The following CLIP1 variants were observed in gnomAD, a reference collection of about 807,000 sequenced individuals.
CLIP1 encodes the protein CAP-Gly domain containing linker protein 1.
In CLIP1, 66 loss-of-function variants were observed where a neutral mutation model predicts 161.6. The observed-to-expected ratio is 0.41, with a 90% CI of 0.33 to 0.50. The LOEUF is 0.50. Among genes scored for constraint, CLIP1 ranks in the 20% least tolerant of loss-of-function variants. The probability of loss-of-function intolerance (pLI) is 0.27; values close to 1 mark genes in which losing one functional copy is unlikely to be tolerated. For synonymous variants in CLIP1, 598 were observed against 626.2 expected (o/e 0.96, Z 0.67); for missense variants, 1,376 against 1,702.0 (o/e 0.81, Z 3.37).
intron 1 of CLIP1, among the ~76,000 whole-genome samples, 200 bp downstream of exon 1, chr12:122,422,321 A>AC (rs1365357467): frequency 6.6e-6 from 1 of 150,724 alleles, no homozygotes; most frequent in Non-Finnish European, 1.5e-5. Context: ...CCCCCCAGGG[A>AC]CCCCCGGCCT....
intron 9 of CLIP1, among the ~76,000 whole-genome samples, chr12:122,350,772 T>C (rs557276953): frequency 6.6e-6 from 1 of 151,290 alleles, no homozygotes; most frequent in East Asian, 1.9e-4. Flanking sequence ...ATCATCTCTT[T>C]TGGAATAATT....
At chr12:122,312,339 A>G (rs1454055154) in intron 19 of CLIP1, among the ~76,000 whole-genome samples, 1 of 152,234 alleles carries the variant, frequency 6.6e-6, no homozygotes, top group Admixed American at 6.5e-5. Context: ...TGAAAATAGG[A>G]GCTGGCTAAC....
Position 122,311,243 on chromosome 12 carries a change from C to T in CLIP1, c.3474-1361G>A, listed in dbSNP as rs1047558400. On this transcript the variant is annotated intron_variant, in intron 19 of 25. Transcript: ENST00000620786. This position sits in a 1 kb window ranked among gnomAD's most constrained non-coding sequence, Gnocchi z 4.3. ...AAACATATTTCCCAGGTGGTCACTG[C>T]CTTCATGAGTGGCTACATGGTGTCT... Among the ~76,000 whole-genome samples the T allele has an allele frequency of 6.6e-5, 10 of 151,944 alleles. No individual in the cohort carries two copies. The highest frequency in any genetic ancestry group is 1.2e-4 in the Non-Finnish European group (8 of 68,012).
rs750226183 is a variant in CLIP1, at chr12:122,377,870, C to T, written c.176G>A (p.Arg59Gln). The T allele has an allele frequency of 1.9e-6, 3 of 1,613,944 alleles. No individual in the cohort carries two copies. The highest frequency in any genetic ancestry group is 2.5e-6 in the Non-Finnish European group (3 of 1,180,000). The change falls in exon 3 of 26, where the codon CGA becomes CAA. Residue 59 changes from arginine (R) to glutamine (Q), a missense_variant. By Grantham distance (43) the Arg-to-Gln change is conservative. Around this residue, in one of 6 missense-constraint regions of CLIP1, gnomAD observed 66 missense variants for 67.8 expected, o/e 0.97. Transcript: ENST00000620786. ...ETQEEFVDDF[R>Q]VGERVWVNGN... ...ATTCACCCAAACTCGCTCCCCAACT[C>T]GAAAGTCATCCACAAATTCCTCCTG...
intron 1 of CLIP1, among the ~76,000 whole-genome samples, chr12:122,388,599 T>C (rs1955437423): frequency 6.6e-6 from 1 of 152,142 alleles, no homozygotes; most frequent in South Asian, 2.1e-4. Context: ...GACAAGGTCT[T>C]GTTTTATCAC....
intron 11 of CLIP1, among the ~76,000 whole-genome samples, chr12:122,339,338 G>GT (rs60632740): frequency 2.4e-4 from 36 of 151,468 alleles, no homozygotes; most frequent in South Asian, 1.3e-3. Context: ...CACAGCATGG[G>GT]TTTTTTTTTG....
intron 1 of CLIP1, among the ~76,000 whole-genome samples, chr12:122,388,080 A>G (rs56255783): frequency 0.028 from 4,259 of 152,268 alleles, 215 homozygotes; most frequent in African/African-American, 0.098. Context: ...TACATAAAAC[A>G]TGCATTTCTA....
chr12:122,313,988 C>A (rs567647953), intron 19 of CLIP1, among the ~76,000 whole-genome samples: 1 of 151,970 alleles, frequency 6.6e-6, no homozygotes, highest in East Asian at 1.9e-4. Flanking sequence ...GAAACCCCAT[C>A]TCTACTAAAA....
chr12:122,305,276 C>A (rs1950823802), intron 20 of CLIP1, among the ~76,000 whole-genome samples: 1 of 152,080 alleles, frequency 6.6e-6, no homozygotes, highest in African/African-American at 2.4e-5. Flanking sequence ...TTAGAATTCC[C>A]TATGAAAAGA....
In CLIP1 at chr12:122,272,833, C is replaced by G; in HGVS notation, c.*42G>C. 6.5e-7 allele frequency: 1 copy of G among 1,540,784 alleles called. No homozygotes were observed. Reference sequence around the variant, plus strand: ...ATGCTGGTGTTACGTTGTGTCAATGCGAGTGCGTCTGAGCAAGCCCAGTTC... The same window carrying G: ...ATGCTGGTGTTACGTTGTGTCAATGGGAGTGCGTCTGAGCAAGCCCAGTTC... On this transcript the variant is annotated 3_prime_UTR_variant, in exon 26 of 26. Transcript: ENST00000620786.
intron 19 of CLIP1, among the ~76,000 whole-genome samples, chr12:122,316,426 T>A (rs902130197): frequency 6.6e-6 from 1 of 152,002 alleles, no homozygotes; most frequent in Non-Finnish European, 1.5e-5. Flanking sequence ...CCCAGGCTGG[T>A]CTCAAACTCC....
At chr12:122,412,916 A>C (rs1956595753) in intron 1 of CLIP1, among the ~76,000 whole-genome samples, 1 of 152,128 alleles carries the variant, frequency 6.6e-6, no homozygotes, top group African/African-American at 2.4e-5. Context: ...TAAAATCTAA[A>C]CTTGACTAGA....
chr12:122,394,666 T>C lies in CLIP1; in HGVS notation c.-106-14108A>G, dbSNP rs57014485. The stretch of plus-strand genomic sequence containing the variant: ...ATTTTGGGAGGCCGAGGTGGACGGA[T>C]CACGAGATCAGGAGATCGAGACCAT... On this transcript the variant is annotated intron_variant, in intron 1 of 25. Transcript: ENST00000620786. Among the ~76,000 whole-genome samples the C allele has an allele frequency of 8.5e-4, 129 of 151,380 alleles. 1 individual carries two copies. The highest frequency in any genetic ancestry group is 3.4e-3 in the Middle Eastern group (1 of 290).
intron 20 of CLIP1, among the ~76,000 whole-genome samples, chr12:122,293,767 C>T (rs376291300): frequency 1.4e-4 from 21 of 150,772 alleles, no homozygotes; most frequent in African/African-American, 4.1e-4. Flanking sequence ...CGTGAGTTAC[C>T]GTGCCCGGCC....
At chr12:122,288,645 T>C (rs544797020) in intron 20 of CLIP1, 104 bp from the exon 21 acceptor site, 8 of 896,050 alleles carry the variant, frequency 8.9e-6, no homozygotes, top group Non-Finnish European at 1.4e-5. Flanking sequence ...GCTAAAGCCA[T>C]TGGCTTTCCT....
At position 122,288,209 on chromosome 12, in the gene CLIP1, T is replaced by G. The variant is rs145820324; in HGVS notation, c.3647+280A>C. Among the ~76,000 whole-genome samples the G allele has an allele frequency of 9.0e-3, 1,373 of 152,252 alleles. 26 individuals carry two copies. Among genetic ancestry groups the G allele is most frequent in the African/African-American group, 0.032 (1,313 of 41,542 alleles). ...CACTATGCCTGGCTAATTTTTTGTATTTTTAGTTGAGATGGGGATTCACTA... is the reference window on the plus strand; with the variant it reads ...CACTATGCCTGGCTAATTTTTTGTAGTTTTAGTTGAGATGGGGATTCACTA... On this transcript the variant is annotated intron_variant, in intron 21 of 25. Transcript: ENST00000620786.
intron 9 of CLIP1, among the ~76,000 whole-genome samples, chr12:122,349,420 G>A (rs190947475): frequency 3.9e-4 from 59 of 152,192 alleles, no homozygotes; most frequent in African/African-American, 1.3e-3. Context: ...CTCAGCCTCC[G>A]TAGTAGCTGG....
intron 7 of CLIP1, among the ~76,000 whole-genome samples, chr12:122,353,842 G>A (rs527731836): frequency 1.3e-5 from 2 of 151,580 alleles, no homozygotes; most frequent in South Asian, 2.1e-4. Flanking sequence ...TGTTGGTCAC[G>A]TTGGTCTCGA....
chr12:122,379,038 T>C (rs12581249), intron 2 of CLIP1, among the ~76,000 whole-genome samples: 30,853 of 151,384 alleles, frequency 0.2, 3,511 homozygotes, highest in Admixed American at 0.26. Context: ...GGCAGGAGAA[T>C]CGCTTGCACC....
Sources: gnomAD v4.1 joint callset for allele counts (sites outside exome capture counted in the v4.1 genomes callset) on GRCh38, gnomAD v4.1.1 for gene constraint, gnomAD v4.1.1 regional missense constraint, Gnocchi (gnomAD v3.1) non-coding constraint, MANE v1.5 for transcripts, NCBI Gene and HGNC (gene_info 2026-07-23, HGNC 2026-07-21) for gene names.